Variants in ALG12 observed in about 807,000 individuals in gnomAD.
The protein encoded by ALG12 is dol-P-Man:Man(7)GlcNAc(2)-PP-Dol alpha-1,6-mannosyltransferase.
In ALG12, 36 loss-of-function variants were observed where a neutral mutation model predicts 46.0. The observed-to-expected ratio is 0.78, with a 90% CI of 0.60 to 1.03. The LOEUF (loss-of-function observed/expected upper bound fraction) is 1.03. ALG12 is among the 50% of genes least tolerant of loss of function. ALG12 has a pLI of 0.00. For missense variants in ALG12, 599 were observed against 633.5 expected (o/e 0.95, Z 0.58); for synonymous variants, 326 against 291.6 (o/e 1.12, Z -1.20).
intron 6 of ALG12, among the ~76,000 whole-genome samples, chr22:49,908,892 C>T (rs533953340): frequency 5.1e-4 from 75 of 147,530 alleles, no homozygotes; most frequent in Non-Finnish European, 9.0e-4. Context: ...GTGGAGGTTG[C>T]AGTGAGCCAA....
downstream of ALG12, among the ~76,000 whole-genome samples, chr22:49,897,663 C>CTTTTTTT (rs146468551): frequency 2.2e-4 from 23 of 103,622 alleles, no homozygotes; most frequent in Middle Eastern, 6.1e-3. Context: ...CCCATGTTTT[C>CTTTTTTT]TTTTTTTTTT....
chr22:49,902,939 T>C lies in ALG12; in HGVS notation c.*899A>G. 1 of 272,962 alleles carries C rather than the reference T, an allele frequency of 3.7e-6. No individual in the cohort carries two copies. The highest frequency in any genetic ancestry group is 7.1e-6 in the Non-Finnish European group (1 of 140,884). 16.9% of individuals were successfully genotyped at this position (272,962 alleles called of 1,614,324 possible). A position where few individuals can be genotyped will look rare whatever the true frequency, so the allele number is the denominator to read the frequency against. ...GGTGTGTGCACGTGTGCACGGTGTG[T>C]GGTGTGTATGCATGGTGTGTGCACG... On this transcript the variant is annotated 3_prime_UTR_variant, in exon 10 of 10. Transcript: ENST00000330817.
chr22:49,877,321 T>C, the ALG12 span, among the ~76,000 whole-genome samples: 2 of 151,878 alleles, frequency 1.3e-5, no homozygotes, highest in Non-Finnish European at 2.9e-5. Context: ...AGATGGAGTT[T>C]TGCTCTGTCG....
the ALG12 span, chr22:49,885,902 C>T: frequency 5.2e-5 from 55 of 1,048,080 alleles, 1 homozygote; most frequent in Middle Eastern, 2.1e-4. Flanking sequence ...CTGACCCTCA[C>T]GGCCCACTGG....
At position 49,913,639 on chromosome 22, in the gene ALG12, G is replaced by C; in HGVS notation, c.127C>G (p.His43Asp). ...VEESFNLQAT[H>D]DLLYHWQDLE... ...TCTTGCCAGTGGTAGAGCAGGTCAT[G>C]TGTGGCCTGCAGGTTGAAGCTCTCC... The change falls in exon 2 of 10, where the codon CAT becomes GAT. Residue 43 changes from histidine to aspartate, a missense_variant. By Grantham distance (81) the His-to-Asp change is moderately conservative (BLOSUM62 -1). Transcript: ENST00000330817. The C allele has an allele frequency of 1.2e-6, 2 of 1,614,156 alleles. No individual in the cohort carries two copies. Among genetic ancestry groups the C allele is most frequent in the Non-Finnish European group, 1.7e-6 (2 of 1,180,036 alleles).
the ALG12 span, chr22:49,885,075 C>A: frequency 6.2e-7 from 1 of 1,612,624 alleles, no homozygotes; most frequent in Admixed American, 1.7e-5. Context: ...CCCCCATGGA[C>A]AGCCTCAAGG....
At chr22:49,876,567 A>G in the ALG12 span, among the ~76,000 whole-genome samples, 97,824 of 151,988 alleles carry the variant, frequency 0.64, 35,665 homozygotes, top group East Asian at 0.85. Context: ...CCCGGTATTA[A>G]TGTCGCCACT....
the ALG12 span, among the ~76,000 whole-genome samples, chr22:49,868,242 T>G: frequency 6.6e-6 from 1 of 152,160 alleles, no homozygotes; most frequent in African/African-American, 2.4e-5. Context: ...TTGAGAGATT[T>G]GGGGAAACTA....
At position 49,902,983 on chromosome 22, in the gene ALG12, G is replaced by A. The variant is rs564628090; in HGVS notation, c.*855C>T. 9.7e-5 allele frequency: 32 copies of A among 330,704 alleles called. No homozygotes were observed. The highest frequency in any genetic ancestry group is 1.4e-4 in the Non-Finnish European group (24 of 171,330). The allele number at this position is 330,704 out of a possible 1,614,324, so 20.5% of individuals were successfully genotyped here. A position where few individuals can be genotyped will look rare whatever the true frequency, so the allele number is the denominator to read the frequency against. ...GTGCACGTGTGCACTGTGTGCATGC[G>A]TGTGTGGTGTGTGTGCATGTATGCA... On this transcript the variant is annotated 3_prime_UTR_variant, in exon 10 of 10. Coordinates refer to ENST00000330817, the MANE Select transcript of ALG12 (RefSeq NM_024105.4).
chr22:49,860,779 C>CTTT, the ALG12 span, among the ~76,000 whole-genome samples: 2 of 137,582 alleles, frequency 1.5e-5, no homozygotes, highest in Non-Finnish European at 1.6e-5. Flanking sequence ...TCTAAGCAAC[C>CTTT]TTTTTTTTTT....
rs768823564 is a variant in ALG12, at chr22:49,903,848, CG to C, written c.1456del (p.Arg486GlyfsTer47). 3.2e-5 allele frequency: 51 copies of C among 1,614,164 alleles called. No homozygotes were observed. In the African/African-American group the frequency reaches 5.9e-4, roughly 19 times the overall value. On this transcript the variant is annotated frameshift_variant, in exon 10 of 10. Coordinates refer to ENST00000330817, the MANE Select transcript of ALG12 (RefSeq NM_024105.4). LOFTEE classifies it high-confidence loss of function. ...TKLVLLERLP[R>X]PS ...GCTGCCTGGTCCCCCTCAGGACGGCCGGGGGAGCCTCTCCAGAAGCACCAGC... is the reference window on the plus strand; with the variant it reads ...GCTGCCTGGTCCCCCTCAGGACGGCCGGGGAGCCTCTCCAGAAGCACCAGC...
chr22:49,885,808 A>G, the ALG12 span: 18 of 1,592,680 alleles, frequency 1.1e-5, no homozygotes, highest in Non-Finnish European at 1.4e-5. Flanking sequence ...GAAGCAGATA[A>G]TTATGTCCCA....
the ALG12 span, among the ~76,000 whole-genome samples, chr22:49,876,529 T>C: frequency 1.3e-5 from 2 of 152,242 alleles, no homozygotes; most frequent in African/African-American, 4.8e-5. Flanking sequence ...TTGTTTGTTA[T>C]ATTTAGTATG....
In ALG12 at chr22:49,908,147, C is replaced by T. The variant is rs372481059; in HGVS notation, c.769-203G>A. On this transcript the variant is annotated intron_variant, in intron 6 of 9. Coordinates refer to ENST00000330817, the MANE Select transcript of ALG12 (RefSeq NM_024105.4). The stretch of plus-strand genomic sequence containing the variant: ...AGGCCACAGCTCGGGTGCACACATA[C>T]CACTTGGGCGTCGGGCCCCCTCCAG... Among the ~76,000 whole-genome samples the T allele has an allele frequency of 1.5e-3, 222 of 152,348 alleles. 10 individuals carry two copies. In the South Asian group the frequency reaches 0.043, roughly 30 times the overall value.
chr22:49,906,529 C>T lies in ALG12; in HGVS notation c.992+1192G>A, dbSNP rs865896699. Among the ~76,000 whole-genome samples, 3 of 152,156 alleles carry T rather than the reference C, an allele frequency of 2.0e-5. No homozygotes were observed. The highest frequency in any genetic ancestry group is 4.4e-5 in the Non-Finnish European group (3 of 68,014). Reference sequence around the variant, plus strand: ...GGAGCTCCCAGGCCCGAGGGCAGTGCGGGGCAGTCGGAGCTGGGGGGCACC... The same window carrying T: ...GGAGCTCCCAGGCCCGAGGGCAGTGTGGGGCAGTCGGAGCTGGGGGGCACC... On this transcript the variant is annotated intron_variant, in intron 7 of 9. Coordinates refer to ENST00000330817, the MANE Select transcript of ALG12 (RefSeq NM_024105.4). This position sits in a 1 kb window ranked among gnomAD's most constrained non-coding sequence, Gnocchi z 4.4.
the ALG12 span, chr22:49,886,060 G>A: frequency 2.9e-6 from 2 of 681,526 alleles, no homozygotes; most frequent in Non-Finnish European, 2.7e-6. This position sits in a 1 kb window ranked among gnomAD's most constrained non-coding sequence, Gnocchi z 7.7. Flanking sequence ...GACCTCCACC[G>A]GCCTTCAGGT....
intron 3 of ALG12, among the ~76,000 whole-genome samples, chr22:49,911,038 G>A (rs940486319): frequency 2.6e-5 from 4 of 152,198 alleles, no homozygotes; most frequent in Non-Finnish European, 5.9e-5. Flanking sequence ...CAGGAAGGGG[G>A]TCAGGACCCC....
At chr22:49,861,066 A>T in the ALG12 span, among the ~76,000 whole-genome samples, 1 of 152,092 alleles carries the variant, frequency 6.6e-6, no homozygotes, top group Non-Finnish European at 1.5e-5. Context: ...ATGAGCCACC[A>T]TGCCCGGCCT....
intron 4 of ALG12, 77 bp from the exon 5 acceptor site, chr22:49,910,165 G>A (rs2060567908): frequency 2.9e-6 from 4 of 1,381,090 alleles, no homozygotes; most frequent in Non-Finnish European, 4.0e-6. Flanking sequence ...GAAGTGAAGG[G>A]TGATTCCTTT....
Sources: gnomAD v4.1 joint callset for allele counts (sites outside exome capture counted in the v4.1 genomes callset) on GRCh38, gnomAD v4.1.1 for gene constraint, Gnocchi (gnomAD v3.1) non-coding constraint, MANE v1.5 for transcripts, NCBI Gene and HGNC (gene_info 2026-07-23, HGNC 2026-07-21) for gene names.